The following DESI2 variants were observed in gnomAD, a reference collection of about 807,000 sequenced individuals.
The protein encoded by DESI2 is desumoylating isopeptidase 2.
A neutral mutation model predicts 24.1 loss-of-function variants in DESI2; 10 were observed. That is an observed-to-expected ratio of 0.41 (90% CI 0.26 to 0.70). The LOEUF is 0.70. DESI2 is among the 30% of genes least tolerant of loss of function. The pLI is 0.29. For synonymous variants in DESI2, 71 were observed against 87.7 expected, an observed-to-expected ratio of 0.81 and a Z score of 1.06; for missense variants, 122 against 234.9, an observed-to-expected ratio of 0.52 and a Z score of 3.14.
At chr1:244,662,325 T>C (rs2148783490) in intron 1 of DESI2, among the ~76,000 whole-genome samples, 1 of 152,334 alleles carries the variant, frequency 6.6e-6, no homozygotes, top group East Asian at 1.9e-4. Flanking sequence ...TTGGCTGTTA[T>C]GAATAATGGT....
Position 244,708,967 on chromosome 1 carries a change from T to C in DESI2, c.*3178T>C, listed in dbSNP as rs890256802. On this transcript the variant is annotated 3_prime_UTR_variant, in exon 5 of 5. Coordinates refer to ENST00000302550, the MANE Select transcript of DESI2 (RefSeq NM_016076.5). ...AATCTTCACTTTTGCTACCTTGATA[T>C]AGCATTGGGCTATCATGTTACAACA... 2 of 152,572 alleles carry C rather than the reference T, an allele frequency of 1.3e-5. No individual in the cohort carries two copies. The highest frequency in any genetic ancestry group is 6.5e-5 in the Admixed American group (1 of 15,276). 9.5% of individuals were successfully genotyped at this position (152,572 alleles called of 1,614,324 possible).
intron 1 of DESI2, among the ~76,000 whole-genome samples, chr1:244,663,983 A>G (rs950705312): frequency 8.9e-5 from 13 of 145,856 alleles, no homozygotes; most frequent in Non-Finnish European, 1.9e-4. Flanking sequence ...GCGCCACTGC[A>G]CGCCAGCCTG....
chr1:244,707,137 G>C lies in DESI2; in HGVS notation c.*1348G>C, dbSNP rs1399351929. The C allele has an allele frequency of 6.6e-6, 1 of 152,622 alleles. No individual in the cohort carries two copies. Among genetic ancestry groups the C allele is most frequent in the Non-Finnish European group, 1.5e-5 (1 of 68,044 alleles). 9.5% of individuals were successfully genotyped at this position (152,622 alleles called of 1,614,324 possible). A position where few individuals can be genotyped will look rare whatever the true frequency, so the allele number is the denominator to read the frequency against. ...GCAGTGTAACACTATCCAAGGCAGT[G>C]ACTTCAGCTTTATATACATATAAAA... On this transcript the variant is annotated 3_prime_UTR_variant, in exon 5 of 5. Transcript: ENST00000302550.
At position 244,683,597 on chromosome 1, in the gene DESI2, C is replaced by T. The variant is rs181875543; in HGVS notation, c.43-3000C>T. On this transcript the variant is annotated intron_variant, in intron 1 of 4. Transcript: ENST00000302550. ...AAGTGCTGGGATTACAGGCGTGAGCCACCGCGCCCAGCCTTTTGCCATATA... is the reference window on the plus strand; with the variant it reads ...AAGTGCTGGGATTACAGGCGTGAGCTACCGCGCCCAGCCTTTTGCCATATA... Among the ~76,000 whole-genome samples the T allele has an allele frequency of 1.9e-3, 293 of 152,304 alleles. 1 individual carries two copies. The highest frequency in any genetic ancestry group is 0.01 in the Middle Eastern group (3 of 294).
intron 1 of DESI2, among the ~76,000 whole-genome samples, chr1:244,675,416 C>T (rs1676385241): frequency 1.3e-5 from 2 of 152,112 alleles, no homozygotes; most frequent in African/African-American, 4.8e-5. Flanking sequence ...AATTTAAGCT[C>T]TTGCATTTAG....
At chr1:244,660,438 T>C (rs1675802754) in intron 1 of DESI2, among the ~76,000 whole-genome samples, 1 of 152,216 alleles carries the variant, frequency 6.6e-6, no homozygotes. Flanking sequence ...AGTGCTGGGA[T>C]TATAGGCGTG....
chr1:244,680,099 C>T (rs1057072730), intron 1 of DESI2, among the ~76,000 whole-genome samples: 3 of 150,364 alleles, frequency 2.0e-5, no homozygotes, highest in African/African-American at 7.3e-5. Flanking sequence ...TAAGAGTAGC[C>T]CACCCTTCCT....
intron 1 of DESI2, among the ~76,000 whole-genome samples, chr1:244,683,113 C>T (rs1676675872): frequency 6.6e-6 from 1 of 152,038 alleles, no homozygotes; most frequent in African/African-American, 2.4e-5. Flanking sequence ...TAACACATTT[C>T]CTAGTGAAGA....
chr1:244,691,842 A>G (rs1453893277), intron 3 of DESI2, 37 bp from the exon 4 acceptor site: 4 of 1,502,138 alleles, frequency 2.7e-6, no homozygotes, highest in Non-Finnish European at 3.6e-6. Flanking sequence ...CTATGTCCTT[A>G]TTTTTCTTTC....
chr1:244,690,412 A>C (rs1676982453), intron 3 of DESI2, among the ~76,000 whole-genome samples: 1 of 152,202 alleles, frequency 6.6e-6, no homozygotes, highest in Admixed American at 6.5e-5. Context: ...TTGTATTTAA[A>C]GTGATATTTA....
In DESI2 at chr1:244,669,902, A is replaced by G. The variant is rs143978478; in HGVS notation, c.42+16547A>G. ...TAATATATAGGCATCCTTTAAAACT[A>G]CTGTCTTACTTGAAGAAGCCTTTCA... On this transcript the variant is annotated intron_variant, in intron 1 of 4. Coordinates refer to ENST00000302550, the MANE Select transcript of DESI2 (RefSeq NM_016076.5). 1.7e-4 allele frequency among the ~76,000 whole-genome samples: 26 copies of G among 152,164 alleles called. 1 individual carries two copies. The highest frequency in any genetic ancestry group is 5.5e-4 in the African/African-American group (23 of 41,500).
intron 4 of DESI2, among the ~76,000 whole-genome samples, chr1:244,693,293 C>G (rs1467688572): frequency 6.6e-6 from 1 of 152,228 alleles, no homozygotes; most frequent in Admixed American, 6.5e-5. Flanking sequence ...TATTGAGCAT[C>G]TATACCACCA....
chr1:244,659,041 T>C (rs112987096), intron 1 of DESI2, among the ~76,000 whole-genome samples: 214 of 152,254 alleles, frequency 1.4e-3, no homozygotes, highest in Non-Finnish European at 2.3e-3. Flanking sequence ...TCTTTTTTTT[T>C]TTTTTTAAAC....
At position 244,689,664 on chromosome 1, in the gene DESI2, G is replaced by A. The variant is rs781393799; in HGVS notation, c.209+322G>A. 1.3e-5 allele frequency among the ~76,000 whole-genome samples: 2 copies of A among 151,974 alleles called. No homozygotes were observed. Among genetic ancestry groups the A allele is most frequent in the East Asian group, 1.9e-4 (1 of 5,158 alleles). The stretch of plus-strand genomic sequence containing the variant: ...AGCTGGGATTACAGGCGTGCACCAC[G>A]ACGTCCGGCTAATTTTTGTATTTTT... On this transcript the variant is annotated intron_variant, in intron 3 of 4. Transcript: ENST00000302550. The surrounding 1 kb of genome is among the most constrained non-coding windows in gnomAD (Gnocchi z 4.0).
intron 4 of DESI2, among the ~76,000 whole-genome samples, chr1:244,698,839 C>T (rs1284434384): frequency 3.3e-5 from 5 of 152,172 alleles, no homozygotes; most frequent in South Asian, 2.1e-4. Flanking sequence ...TGGGACCATA[C>T]GAAGTCGAAC....
chr1:244,693,317 C>T (rs911104677), intron 4 of DESI2, among the ~76,000 whole-genome samples: 1 of 152,324 alleles, frequency 6.6e-6, no homozygotes, highest in Admixed American at 6.5e-5. Context: ...CAGCCCTGGT[C>T]TAACCCCAAA....
intron 4 of DESI2, among the ~76,000 whole-genome samples, chr1:244,699,602 A>C (rs1677361367): frequency 8.3e-6 from 1 of 120,348 alleles, no homozygotes. Context: ...AAAAAAAAAA[A>C]AAAAAAAAAA....
At chr1:244,702,929 A>T (rs1677529248) in intron 4 of DESI2, among the ~76,000 whole-genome samples, 1 of 152,088 alleles carries the variant, frequency 6.6e-6, no homozygotes, top group African/African-American at 2.4e-5. Context: ...TTACATGATT[A>T]ACCTCTAAAT....
chr1:244,671,473 G>A (rs1187734196), intron 1 of DESI2, among the ~76,000 whole-genome samples: 1 of 152,152 alleles, frequency 6.6e-6, no homozygotes, highest in Non-Finnish European at 1.5e-5. Flanking sequence ...CTAGTCTGCT[G>A]AATGTTAATA....
Sources: allele counts gnomAD v4.1 joint callset (sites outside exome capture counted in the v4.1 genomes callset), GRCh38; gene constraint gnomAD v4.1.1; non-coding constraint Gnocchi (gnomAD v3.1); transcripts MANE v1.5; gene names NCBI Gene and HGNC (gene_info 2026-07-23, HGNC 2026-07-21).